AKAP6: variants seen among roughly 807,000 people sequenced by gnomAD.
The protein encoded by AKAP6 is A-kinase anchoring protein 6, also known as A-kinase anchor protein 6.
Under a neutral mutation model 188.5 loss-of-function variants are expected in AKAP6, and 58 were observed. The ratio of observed to expected loss-of-function variants is 0.31; its 90% CI spans 0.25 to 0.38. The LOEUF is 0.38. Among genes scored for constraint, AKAP6 ranks in the 10% least tolerant of loss-of-function variants. AKAP6 has a pLI of 1.00. For synonymous variants in AKAP6, 989 were observed against 998.6 expected (o/e 0.99, Z 0.18); for missense variants, 2,710 against 2,740.0 (o/e 0.99, Z 0.24).
In AKAP6 at chr14:32,481,130, A is replaced by G. The variant is rs114452529; in HGVS notation, c.324+47313A>G. Among the ~76,000 whole-genome samples the G allele has an allele frequency of 9.6e-3, 1,468 of 152,246 alleles. 26 individuals carry two copies. Among genetic ancestry groups the G allele is most frequent in the African/African-American group, 0.033 (1,379 of 41,544 alleles). On this transcript the variant is annotated intron_variant, in intron 2 of 13. Transcript: ENST00000280979. ...TCTTACTTTGTATATTTTAGGATCT[A>G]TTTCTGCATCCATATATAAAGATCT...
At chr14:32,458,827 A>T (rs980386114) in intron 2 of AKAP6, among the ~76,000 whole-genome samples, 2 of 152,146 alleles carry the variant, frequency 1.3e-5, no homozygotes, top group African/African-American at 4.8e-5. Context: ...GTCAGGAAAG[A>T]ATTAGAAATA....
rs748486362 is a variant in AKAP6, at chr14:32,546,134, G to C, written c.1481G>C (p.Arg494Pro). The change falls in exon 4 of 14, where the codon CGA (arginine) becomes CCA (proline). Residue 494 changes from arginine (R) to proline (P), a missense_variant. By Grantham distance (103) the Arg-to-Pro change is moderately radical. This residue lies in a region of AKAP6 where 2,473 missense variants were observed against 2,426.1 expected (regional missense o/e 1.02). Coordinates refer to ENST00000280979, the MANE Select transcript of AKAP6 (RefSeq NM_004274.5). ...AACGACTGCTATAAAGAGAAATCTC[G>C]ACTTAAAAAGCCACACAAGACCTCA... ...RLNDCYKEKS[R>P]LKKPHKTSEE... The C allele has an allele frequency of 1.2e-6, 2 of 1,613,602 alleles. No homozygotes were observed. Among genetic ancestry groups the C allele is most frequent in the East Asian group, 2.2e-5 (1 of 44,884 alleles).
At chr14:32,585,441 A>G (rs1462907435) in intron 5 of AKAP6, among the ~76,000 whole-genome samples, 2 of 152,118 alleles carry the variant, frequency 1.3e-5, no homozygotes, top group Non-Finnish European at 2.9e-5. Flanking sequence ...TTCTTAATTC[A>G]ATTTGATAAA....
chr14:32,470,779 T>G (rs1168564732), intron 2 of AKAP6, among the ~76,000 whole-genome samples: 2 of 152,204 alleles, frequency 1.3e-5, no homozygotes, highest in Non-Finnish European at 2.9e-5. Context: ...TAAAGCTTGA[T>G]TTTTCTTAAG....
intron 3 of AKAP6, among the ~76,000 whole-genome samples, chr14:32,540,164 C>CTATATATATA (rs1212391189): frequency 2.1e-5 from 2 of 97,468 alleles, no homozygotes; most frequent in Non-Finnish European, 3.8e-5. Context: ...CTCTCTCTCT[C>CTATATATATA]TCTCTATATA....
At position 32,834,382 on chromosome 14, in the gene AKAP6, G is replaced by C. The variant is rs979697026; in HGVS notation, c.*4577G>C. The C allele has an allele frequency of 1.3e-5, 2 of 150,752 alleles. No individual in the cohort carries two copies. The highest frequency in any genetic ancestry group is 4.9e-5 in the African/African-American group (2 of 41,002). The allele number at this position is 150,752 out of a possible 1,614,324, so 9.3% of individuals were successfully genotyped here. ...GCCTGGGCAAGAAGAGTGAAATTTT[G>C]TCTCAAAAAAAAAAATGTAATATTA... On this transcript the variant is annotated 3_prime_UTR_variant, in exon 14 of 14. Transcript: ENST00000280979.
At chr14:32,775,670 C>G (rs1022296819) in intron 12 of AKAP6, among the ~76,000 whole-genome samples, 11 of 152,026 alleles carry the variant, frequency 7.2e-5, no homozygotes, top group Non-Finnish European at 1.5e-5. Flanking sequence ...TCTTGGCGAT[C>G]CTCCCACCTT....
intron 1 of AKAP6, among the ~76,000 whole-genome samples, chr14:32,389,082 T>A (rs553030231): frequency 1.3e-5 from 2 of 152,134 alleles, no homozygotes; most frequent in South Asian, 4.1e-4. Flanking sequence ...AGGCCTTTTA[T>A]CATCATATAA....
intron 2 of AKAP6, among the ~76,000 whole-genome samples, chr14:32,455,233 G>A (rs978110319): frequency 2.0e-5 from 3 of 152,064 alleles, no homozygotes; most frequent in Admixed American, 2.0e-4. Context: ...CTCCCAAAGT[G>A]CTGGGATTAC....
Position 32,353,053 on chromosome 14 carries a change from A to ATT in AKAP6, c.-35+23654_-35+23655dup, listed in dbSNP as rs35526201. 1.7e-3 allele frequency among the ~76,000 whole-genome samples: 255 copies of ATT among 149,742 alleles called. 1 individual carries two copies. The highest frequency in any genetic ancestry group is 3.1e-3 in the Non-Finnish European group (210 of 67,264). On this transcript the variant is annotated intron_variant, in intron 1 of 13. Transcript: ENST00000280979. The stretch of plus-strand genomic sequence containing the variant: ...TTCCTTTCTCCACATTCATACCAGC[A>ATT]TTTTTTTTTTGTCTTTTTGATAATA...
intron 5 of AKAP6, among the ~76,000 whole-genome samples, chr14:32,591,868 G>C (rs1885502809): frequency 6.6e-6 from 1 of 152,150 alleles, no homozygotes. Context: ...GGTAGCGGCT[G>C]ACCATTTATT....
At chr14:32,582,249 T>C (rs1396825780) in intron 5 of AKAP6, among the ~76,000 whole-genome samples, 1 of 152,182 alleles carries the variant, frequency 6.6e-6, no homozygotes, top group Non-Finnish European at 1.5e-5. Flanking sequence ...TTCCTTCACT[T>C]ATGAAGCTTA....
intron 7 of AKAP6, among the ~76,000 whole-genome samples, chr14:32,605,881 A>T (rs1403365261): frequency 6.6e-6 from 1 of 152,196 alleles, no homozygotes; most frequent in African/African-American, 2.4e-5. Flanking sequence ...GGAGCTTGAG[A>T]AGCATAATAG....
chr14:32,450,735 T>A (rs565980455), intron 2 of AKAP6, among the ~76,000 whole-genome samples: 1 of 152,004 alleles, frequency 6.6e-6, no homozygotes, highest in South Asian at 2.1e-4. Context: ...GTTTGCTCCT[T>A]GCTTCAATAT....
chr14:32,778,526 T>G (rs1387721627), intron 12 of AKAP6, among the ~76,000 whole-genome samples: 2 of 151,642 alleles, frequency 1.3e-5, no homozygotes, highest in Non-Finnish European at 2.9e-5. Flanking sequence ...TAAGATAAAA[T>G]ATATGGTTTT....
intron 1 of AKAP6, among the ~76,000 whole-genome samples, chr14:32,379,116 T>C (rs2138544090): frequency 6.6e-6 from 1 of 152,200 alleles, no homozygotes; most frequent in East Asian, 1.9e-4. Context: ...AGACAGGGTT[T>C]CACCATGTTG....
At chr14:32,715,656 G>T (rs1257153735) in intron 9 of AKAP6, among the ~76,000 whole-genome samples, 1 of 151,888 alleles carries the variant, frequency 6.6e-6, no homozygotes, top group African/African-American at 2.4e-5. Context: ...AAATAGCTTG[G>T]CATGTTCCTA....
chr14:32,421,093 T>C (rs1889833624), intron 1 of AKAP6, among the ~76,000 whole-genome samples: 1 of 152,192 alleles, frequency 6.6e-6, no homozygotes, highest in Non-Finnish European at 1.5e-5. Context: ...CAAATCAATC[T>C]GATTTATCAT....
intron 2 of AKAP6, among the ~76,000 whole-genome samples, chr14:32,478,617 A>C (rs1879188454): frequency 1.3e-5 from 2 of 152,316 alleles, no homozygotes; most frequent in Admixed American, 6.5e-5. Context: ...ATTTAGCCTG[A>C]AATATAGGTC....
Sources: allele counts gnomAD v4.1 joint callset (sites outside exome capture counted in the v4.1 genomes callset), GRCh38; gene constraint gnomAD v4.1.1; regional missense constraint gnomAD v4.1.1; transcripts MANE v1.5; gene names NCBI Gene and HGNC (gene_info 2026-07-23, HGNC 2026-07-21).